The following STX1A variants were observed in gnomAD, a reference collection of about 807,000 sequenced individuals.
The protein encoded by STX1A is syntaxin-1A.
A neutral mutation model predicts 37.8 loss-of-function variants in STX1A; 4 were observed. The observed-to-expected ratio is 0.11, with a 90% CI of 0.05 to 0.24. The LOEUF (loss-of-function observed/expected upper bound fraction) is 0.24. Ranked by LOEUF, STX1A falls within the 10% of genes least tolerant of loss-of-function variation. The pLI, the probability that STX1A is intolerant of heterozygous loss-of-function variation, is 1.00. For missense variants in STX1A, 251 were observed against 399.9 expected (o/e 0.63, Z 3.18); for synonymous variants, 135 against 147.4 (o/e 0.92, Z 0.61).
At chr7:73,701,578 T>A (rs1257713589) in intron 8 of STX1A, among the ~76,000 whole-genome samples, 1 of 151,460 alleles carries the variant, frequency 6.6e-6, no homozygotes, top group Non-Finnish European at 1.5e-5. Flanking sequence ...ACAGCCCTTT[T>A]GAGCCCTGTG....
intron 1 of STX1A, among the ~76,000 whole-genome samples, chr7:73,715,996 G>T (rs1799276619): frequency 6.6e-6 from 1 of 152,198 alleles, no homozygotes; most frequent in African/African-American, 2.4e-5. Flanking sequence ...CAGGGAGGCA[G>T]CTTCAGGCCG....
At chr7:73,719,559 T>TGGCGGCG (rs1359801947) in intron 1 of STX1A, 43 bp downstream of exon 1, 485 of 1,205,174 alleles carry the variant, frequency 4.0e-4, no homozygotes, top group Non-Finnish European at 4.6e-4. Flanking sequence ...GCGTTGGCGC[T>TGGCGGCG]GGCGGCGGGC....
chr7:73,705,582 T>C lies in STX1A; in HGVS notation c.209-358A>G, dbSNP rs1241032301. Reference sequence around the variant, plus strand: ...AACAGTGACTTGATGCTTGCTGGAGTTGAAGGGGTGGGGGGGCGGTGTGGG... The same window carrying C: ...AACAGTGACTTGATGCTTGCTGGAGCTGAAGGGGTGGGGGGGCGGTGTGGG... On this transcript the variant is annotated intron_variant, in intron 3 of 9. Coordinates refer to ENST00000222812, the MANE Select transcript of STX1A (RefSeq NM_004603.4). The surrounding 1 kb of genome is among the most constrained non-coding windows in gnomAD (Gnocchi z 5.2). 5 of 283,614 alleles carry C rather than the reference T, an allele frequency of 1.8e-5. No homozygotes were observed. Among genetic ancestry groups the C allele is most frequent in the Non-Finnish European group, 3.4e-5 (5 of 145,366 alleles). 17.6% of individuals were successfully genotyped at this position (283,614 alleles called of 1,614,324 possible). A position where few individuals can be genotyped will look rare whatever the true frequency, so the allele number is the denominator to read the frequency against.
Position 73,705,386 on chromosome 7 carries a change from A to C in STX1A, c.209-162T>G. The C allele has an allele frequency of 3.2e-6, 2 of 616,890 alleles. No homozygotes were observed. Among genetic ancestry groups the C allele is most frequent in the Non-Finnish European group, 2.9e-6 (1 of 348,048 alleles). The allele number at this position is 616,890 out of a possible 1,614,324, so 38.2% of individuals were successfully genotyped here. On this transcript the variant is annotated intron_variant, in intron 3 of 9. Coordinates refer to ENST00000222812, the MANE Select transcript of STX1A (RefSeq NM_004603.4). The surrounding 1 kb of genome is among the most constrained non-coding windows in gnomAD (Gnocchi z 5.2). ...TCTGCCTGCCCGCCCCCCTCCCCCA[A>C]TTCTGGGCCAGGGCTGCACCAGCTG...
In STX1A at chr7:73,700,675, T is replaced by TG; in HGVS notation, c.789+54dup. 6.2e-7 allele frequency: 1 copy of TG among 1,603,226 alleles called. No individual in the cohort carries two copies. On this transcript the variant is annotated intron_variant, in intron 9 of 9. Transcript: ENST00000222812. This position sits in a 1 kb window ranked among gnomAD's most constrained non-coding sequence, Gnocchi z 4.4. The stretch of plus-strand genomic sequence containing the variant: ...GGGATGGGGAGGGATGTGGGATGGT[T>TG]GGGGGTCCCTAATGGGTGCTGGGGC...
intron 2 of STX1A, 103 bp from the exon 3 acceptor site, chr7:73,708,791 G>T: frequency 7.9e-7 from 1 of 1,266,388 alleles, no homozygotes; most frequent in Non-Finnish European, 1.1e-6. Flanking sequence ...CTCAGGGGGA[G>T]GACGGGCCAG....
intron 3 of STX1A, among the ~76,000 whole-genome samples, chr7:73,707,623 G>C (rs1375710871): frequency 6.6e-6 from 1 of 152,128 alleles, no homozygotes; most frequent in Non-Finnish European, 1.5e-5. Context: ...AAAAAAGCCA[G>C]TTCGAAATGA....
At chr7:73,703,238 G>A in intron 7 of STX1A, 1 of 579,280 alleles carries the variant, frequency 1.7e-6, no homozygotes, top group East Asian at 3.0e-5. Flanking sequence ...CAGAGCGAGT[G>A]CTCAGTGACA....
At chr7:73,707,110 GA>G (rs1442638245) in intron 3 of STX1A, among the ~76,000 whole-genome samples, 2 of 152,292 alleles carry the variant, frequency 1.3e-5, no homozygotes, top group Admixed American at 6.5e-5. Flanking sequence ...AAGAAAATCT[GA>G]CCCCGGGCAC....
chr7:73,704,546 GGGATCA>G lies in STX1A; in HGVS notation c.284-129_284-124del. On this transcript the variant is annotated intron_variant, in intron 4 of 9. Transcript: ENST00000222812. Reference sequence around the variant, plus strand: ...GGTATGTGTGTGGCCTGTGGCTGGTGGGATCAGTGCCAGGCACCGATGGAGGAGGGG... The same window carrying G: ...GGTATGTGTGTGGCCTGTGGCTGGTGGTGCCAGGCACCGATGGAGGAGGGG... 4.8e-6 allele frequency: 6 copies of G among 1,255,054 alleles called. No individual in the cohort carries two copies. The South Asian group carries it at 7.8e-5, about 16-fold the overall frequency. 77.7% of individuals were successfully genotyped at this position (1,255,054 alleles called of 1,614,324 possible).
rs1554615721 is a variant in STX1A at position 73,700,732 on chromosome 7, G to T, written c.787C>A (p.Arg263=). 2 of 1,613,676 alleles carry T rather than the reference G, an allele frequency of 1.2e-6. No homozygotes were observed. ...TTGGGCAGGGCTGGGCTACTGACCC[G>T]GCGCGCCTTGCTCTGGTACTTGACG... The part of the protein sequence containing the change: ...KAVKYQSKAR[R]KKIMIIICCV... The change falls in exon 9 of 10, where the codon CGG becomes AGG. Residue 263 remains arginine, a splice_region_variant and synonymous_variant. Coordinates refer to ENST00000222812, the MANE Select transcript of STX1A (RefSeq NM_004603.4). This position sits in a 1 kb window ranked among gnomAD's most constrained non-coding sequence, Gnocchi z 4.4.
rs1262314649 is a variant in STX1A at position 73,706,720 on chromosome 7, C to T, written c.209-1496G>A. Among the ~76,000 whole-genome samples, 1 of 152,122 alleles carries T rather than the reference C, an allele frequency of 6.6e-6. No homozygotes were observed. Among genetic ancestry groups the T allele is most frequent in the Non-Finnish European group, 1.5e-5 (1 of 68,032 alleles). On this transcript the variant is annotated intron_variant, in intron 3 of 9. Transcript: ENST00000222812. This position sits in a 1 kb window ranked among gnomAD's most constrained non-coding sequence, Gnocchi z 4.6. Reference sequence around the variant, plus strand: ...AGACCCACTCCCCTGCTCTTTAGAGCCCTCCGTCCCCACCCCACAATCAGC... The same window carrying T: ...AGACCCACTCCCCTGCTCTTTAGAGTCCTCCGTCCCCACCCCACAATCAGC...
chr7:73,711,551 C>A (rs782774395), intron 1 of STX1A, among the ~76,000 whole-genome samples: 22 of 152,190 alleles, frequency 1.4e-4, no homozygotes, highest in Middle Eastern at 6.8e-3. Flanking sequence ...ATCCAGGAGC[C>A]GTTTTCACGC....
Position 73,700,950 on chromosome 7 carries a change from C to T in STX1A, c.679-110G>A, listed in dbSNP as rs557330250. 1.7e-5 allele frequency: 26 copies of T among 1,545,236 alleles called. No individual in the cohort carries two copies. The highest frequency in any genetic ancestry group is 9.5e-5 in the African/African-American group (7 of 73,700). On this transcript the variant is annotated intron_variant, in intron 8 of 9. Coordinates refer to ENST00000222812, the MANE Select transcript of STX1A (RefSeq NM_004603.4). The surrounding 1 kb of genome is among the most constrained non-coding windows in gnomAD (Gnocchi z 4.4). ...CCTGAGGCTAGAGACAAAAAGGGGGCGTGAGGAGGTTAGGGTACAGCTTCT... is the reference window on the plus strand; with the variant it reads ...CCTGAGGCTAGAGACAAAAAGGGGGTGTGAGGAGGTTAGGGTACAGCTTCT...
intron 3 of STX1A, among the ~76,000 whole-genome samples, chr7:73,707,557 T>A (rs1232919233): frequency 6.6e-6 from 1 of 152,024 alleles, no homozygotes; most frequent in Non-Finnish European, 1.5e-5. Context: ...CCTCCTTCCC[T>A]CCTTCCTTCC....
At chr7:73,715,774 TC>T (rs1554618577) in intron 1 of STX1A, among the ~76,000 whole-genome samples, 1 of 152,222 alleles carries the variant, frequency 6.6e-6, no homozygotes, top group Non-Finnish European at 1.5e-5. Context: ...GCTATTTTTT[TC>T]CCTTCTTCTT....
chr7:73,705,116 G>GCCCCCCCCCC lies in STX1A; in HGVS notation c.283+33_283+34insGGGGGGGGGG. On this transcript the variant is annotated intron_variant, in intron 4 of 9. Transcript: ENST00000222812. This position sits in a 1 kb window ranked among gnomAD's most constrained non-coding sequence, Gnocchi z 5.2. ...TCCGCAGAGGAAGCAGGCCTAGAAT[G>GCCCCCCCCCC]CCCCCCACCCACCCCCAGACAAGCC... 1 of 1,599,800 alleles carries GCCCCCCCCCC rather than the reference G, an allele frequency of 6.3e-7. No homozygotes were observed. The highest frequency in any genetic ancestry group is 8.6e-7 in the Non-Finnish European group (1 of 1,167,036).
rs560946875 is a variant in STX1A at position 73,716,614 on chromosome 7, C to T, written c.30+2988G>A. ...CTCCTATTCAAATCCAGCTCCTGCT[C>T]CTGTGCTATCCCAGGGTCTCTTCTT... is the stretch of plus-strand genomic sequence containing the variant. On this transcript the variant is annotated intron_variant, in intron 1 of 9. Coordinates refer to ENST00000222812, the MANE Select transcript of STX1A (RefSeq NM_004603.4). The T allele has an allele frequency of 2.0e-5, 3 of 152,650 alleles. No homozygotes were observed. In the East Asian group the frequency reaches 5.8e-4, roughly 29 times the overall value. The allele number at this position is 152,650 out of a possible 1,614,324, so 9.5% of individuals were successfully genotyped here. A position where few individuals can be genotyped will look rare whatever the true frequency, so the allele number is the denominator to read the frequency against.
chr7:73,704,030 G>A, intron 6 of STX1A, 118 bp downstream of exon 6: 1 of 1,146,748 alleles, frequency 8.7e-7, no homozygotes, highest in Non-Finnish European at 1.2e-6. Flanking sequence ...CAGCTGCCTC[G>A]GGCCACCCGC....
Sources: gnomAD v4.1 joint callset for allele counts (sites outside exome capture counted in the v4.1 genomes callset) on GRCh38, gnomAD v4.1.1 for gene constraint, Gnocchi (gnomAD v3.1) non-coding constraint, MANE v1.5 for transcripts, NCBI Gene and HGNC (gene_info 2026-07-23, HGNC 2026-07-21) for gene names.